PVT1: variants seen among roughly 807,000 people sequenced by gnomAD.
PVT1 encodes the protein Pvt1 oncogene.
At chr8:127,928,743 G>A (rs74969923) in intron 3 of PVT1, among the ~76,000 whole-genome samples, 8,385 of 152,252 alleles carry the variant, frequency 0.055, 458 homozygotes, top group African/African-American at 0.14. Flanking sequence ...ACACAGTGCT[G>A]CTCACAGCCT....
intron 5 of PVT1, among the ~76,000 whole-genome samples, chr8:128,089,534 T>C (rs1814321980): frequency 6.6e-6 from 1 of 152,208 alleles, no homozygotes; most frequent in South Asian, 2.1e-4. Context: ...TTTCAGCATA[T>C]GAATTTTGGG....
intron 2 of PVT1, among the ~76,000 whole-genome samples, chr8:127,814,361 G>A (rs1208465272): frequency 6.6e-6 from 1 of 152,182 alleles, no homozygotes; most frequent in African/African-American, 2.4e-5. Context: ...GTGTGAAGTC[G>A]GCTTGAGTGA....
chr8:127,825,890 G>A (rs1814782333), intron 2 of PVT1, among the ~76,000 whole-genome samples: 1 of 151,818 alleles, frequency 6.6e-6, no homozygotes. Flanking sequence ...TTACTCTGTT[G>A]CCCAAGCTGG....
At chr8:128,100,398 C>T (rs559675129) in intron 6 of PVT1, among the ~76,000 whole-genome samples, 170 of 152,206 alleles carry the variant, frequency 1.1e-3, no homozygotes, top group African/African-American at 3.8e-3. Context: ...AAAACCTAAG[C>T]AGGCCACTAA....
intron 2 of PVT1, among the ~76,000 whole-genome samples, chr8:127,859,410 C>T (rs917112584): frequency 1.3e-5 from 2 of 152,110 alleles, no homozygotes; most frequent in African/African-American, 4.8e-5. Flanking sequence ...TCATATTACG[C>T]CGTGGCTGAC....
chr8:127,896,773 C>CT (rs1404621189), intron 3 of PVT1, among the ~76,000 whole-genome samples: 1 of 129,618 alleles, frequency 7.7e-6, no homozygotes, highest in Non-Finnish European at 1.6e-5. Flanking sequence ...GATGCCTTTC[C>CT]TCCCCCCCCC....
At chr8:127,936,318 C>T (rs1179566600) in intron 3 of PVT1, among the ~76,000 whole-genome samples, 1 of 152,054 alleles carries the variant, frequency 6.6e-6, no homozygotes, top group Non-Finnish European at 1.5e-5. Flanking sequence ...TCCCAAAGTG[C>T]TGGGATTATA....
At chr8:128,050,597 T>A (rs1813680189) in intron 4 of PVT1, among the ~76,000 whole-genome samples, 1 of 152,224 alleles carries the variant, frequency 6.6e-6, no homozygotes, top group Non-Finnish European at 1.5e-5. Flanking sequence ...CCATGGGCTC[T>A]GGCTTCAGAG....
At chr8:127,858,805 CTTTTTTTTTTTTTTT>C (rs35886687) in intron 2 of PVT1, among the ~76,000 whole-genome samples, 7 of 47,310 alleles carry the variant, frequency 1.5e-4, no homozygotes, top group African/African-American at 3.2e-4. Flanking sequence ...CTTGAAGATT[CTTTTTTTTTTTTTTT>C]TTTTTTTTTT....
chr8:127,985,035 T>TTCA (rs1303288281), intron 3 of PVT1, among the ~76,000 whole-genome samples: 1 of 123,816 alleles, frequency 8.1e-6, no homozygotes, highest in African/African-American at 3.3e-5. Context: ...CCTTCCTTCC[T>TTCA]TTCCTTCTTT....
intron 2 of PVT1, among the ~76,000 whole-genome samples, chr8:127,868,723 G>C (rs1815311925): frequency 2.4e-5 from 1 of 42,192 alleles, no homozygotes; most frequent in Non-Finnish European, 5.7e-5. Flanking sequence ...TTTTTTAATA[G>C]TCCTGTGTGT....
intron 2 of PVT1, among the ~76,000 whole-genome samples, chr8:127,834,729 CA>C (rs1814890355): frequency 6.6e-6 from 1 of 151,850 alleles, no homozygotes; most frequent in East Asian, 1.9e-4. Flanking sequence ...GGGGAAAAAA[CA>C]AACAAACAAA....
intron 3 of PVT1, chr8:127,939,430 A>G (rs1816317668): frequency 6.6e-6 from 1 of 152,316 alleles, no homozygotes; most frequent in Non-Finnish European, 1.5e-5. Flanking sequence ...CAAAGCCTCG[A>G]GTCCCTGGCA....
chr8:128,087,196 C>T (rs1043305663), intron 5 of PVT1, among the ~76,000 whole-genome samples: 2 of 152,156 alleles, frequency 1.3e-5, no homozygotes, highest in Admixed American at 1.3e-4. Context: ...GCCCATGGTT[C>T]CACAGCTCAG....
intron 3 of PVT1, among the ~76,000 whole-genome samples, chr8:127,895,028 C>G (rs1309942243): frequency 6.6e-6 from 1 of 152,212 alleles, no homozygotes; most frequent in Non-Finnish European, 1.5e-5. Flanking sequence ...TCAGCCCTGC[C>G]TGTTATGTTC....
intron 2 of PVT1, among the ~76,000 whole-genome samples, chr8:127,823,427 A>T (rs1363718039): frequency 6.6e-6 from 1 of 152,242 alleles, no homozygotes; most frequent in Non-Finnish European, 1.5e-5. Context: ...TTGAAATAGC[A>T]CATGCATATA....
intron 2 of PVT1, among the ~76,000 whole-genome samples, chr8:127,862,312 A>T (rs920630089): frequency 3.3e-5 from 5 of 152,002 alleles, no homozygotes; most frequent in Non-Finnish European, 4.4e-5. Context: ...GGAGGCTGAG[A>T]CAGGAGAATT....
At chr8:127,970,323 A>G (rs1405143073) in intron 3 of PVT1, among the ~76,000 whole-genome samples, 2 of 48,850 alleles carry the variant, frequency 4.1e-5, no homozygotes, top group Admixed American at 3.5e-4. Context: ...TTTGAGATAG[A>G]GTCTTACTCT....
At chr8:127,855,377 C>T in intron 2 of PVT1, 1 of 395,172 alleles carries the variant, frequency 2.5e-6, no homozygotes, top group Non-Finnish European at 4.5e-6. Flanking sequence ...AATTGGATGG[C>T]TCGCTGACCC....
Sources: allele counts gnomAD v4.1 joint callset (sites outside exome capture counted in the v4.1 genomes callset), GRCh38; gene constraint gnomAD v4.1.1; transcripts MANE v1.5; gene names NCBI Gene and HGNC (gene_info 2026-07-23, HGNC 2026-07-21).